The following DTNA variants were observed in gnomAD, a reference collection of about 807,000 sequenced individuals.
DTNA encodes the protein dystrobrevin alpha, also known as dystrophin-related protein 3.
In DTNA, 43 loss-of-function variants were observed where a neutral mutation model predicts 100.7. The observed-to-expected ratio is 0.43, with a 90% CI of 0.33 to 0.55. The LOEUF is 0.55. Among genes scored for constraint, DTNA ranks in the 20% least tolerant of loss-of-function variants. The pLI is 0.04. For synonymous variants in DTNA, 349 were observed against 347.9 expected (o/e 1.00, Z -0.04); for missense variants, 798 against 953.9 (o/e 0.84, Z 2.15).
rs115014847 is a variant in DTNA, at chr18:34,661,612, C to T, written c.-1-94364C>T. ...TTTTAATCAGACAAAGGATGAGTTT[C>T]GCATAGATGAGTTTTCAATAAACAG... is the stretch of plus-strand genomic sequence containing the variant. On this transcript the variant is annotated intron_variant, in intron 1 of 19. Coordinates refer to the DTNA transcript ENST00000283365. 4.4e-3 allele frequency among the ~76,000 whole-genome samples: 668 copies of T among 152,180 alleles called. 5 individuals carry two copies. Among genetic ancestry groups the T allele is most frequent in the African/African-American group, 0.015 (631 of 41,522 alleles).
At chr18:34,782,791 AGC>A (rs1374261881) in intron 3 of DTNA, among the ~76,000 whole-genome samples, 1 of 152,238 alleles carries the variant, frequency 6.6e-6, no homozygotes, top group Non-Finnish European at 1.5e-5. Flanking sequence ...TTTCATGCTT[AGC>A]CTGTTGGGTT....
chr18:34,863,213 C>T (rs1468536798), intron 16 of DTNA, among the ~76,000 whole-genome samples: 1 of 152,138 alleles, frequency 6.6e-6, no homozygotes, highest in Non-Finnish European at 1.5e-5. Flanking sequence ...ATTTCTTTCC[C>T]CCTTTAAAGA....
chr18:34,499,296 T>C (rs2039635904), intron 1 of DTNA, among the ~76,000 whole-genome samples: 1 of 152,238 alleles, frequency 6.6e-6, no homozygotes, highest in African/African-American at 2.4e-5. Flanking sequence ...TTTATCTAGG[T>C]TGTTGAATGT....
intron 1 of DTNA, among the ~76,000 whole-genome samples, chr18:34,505,970 G>A (rs993078907): frequency 1.3e-5 from 2 of 152,278 alleles, no homozygotes; most frequent in African/African-American, 2.4e-5. Flanking sequence ...TGATTTAGCC[G>A]AGTTCCACTA....
intron 1 of DTNA, among the ~76,000 whole-genome samples, chr18:34,738,205 G>A (rs1017585588): frequency 2.0e-5 from 3 of 152,078 alleles, no homozygotes; most frequent in Non-Finnish European, 2.9e-5. Context: ...TTAAAGATTC[G>A]GGACTTCAAA....
intron 17 of DTNA, among the ~76,000 whole-genome samples, chr18:34,874,161 AT>A (rs2096792508): frequency 6.6e-6 from 1 of 152,208 alleles, no homozygotes; most frequent in Non-Finnish European, 1.5e-5. Flanking sequence ...AAATATCTAA[AT>A]GGAATATTCC....
In DTNA at chr18:34,824,522, C is replaced by T. The variant is rs547435208; in HGVS notation, c.1002-3071C>T. On this transcript the variant is annotated intron_variant, in intron 9 of 22. Coordinates refer to ENST00000444659, the MANE Select transcript of DTNA (RefSeq NM_001386795.1). ...TTACTACATGGCACATGTATACCTA[C>T]GTAACAAACCTGCAGGTTCTGCACA... Among the ~76,000 whole-genome samples, 17 of 151,814 alleles carry T rather than the reference C, an allele frequency of 1.1e-4. 1 individual carries two copies. Among genetic ancestry groups the T allele is most frequent in the Middle Eastern group, 3.4e-3 (1 of 294 alleles).
In DTNA at chr18:34,494,215, A is replaced by T. The variant is rs574956214; in HGVS notation, c.-2+701A>T. Among the ~76,000 whole-genome samples, 14 of 151,602 alleles carry T rather than the reference A, an allele frequency of 9.2e-5. No homozygotes were observed. The East Asian group carries it at 2.8e-3, about 30-fold the overall frequency. On this transcript the variant is annotated intron_variant, in intron 1 of 19. Transcript: ENST00000283365. ...GGTGGAGTGTCTACCTCCATTAGGG[A>T]TGATACTCACGTCGGGGAACAGTCT...
intron 3 of DTNA, among the ~76,000 whole-genome samples, chr18:34,770,516 A>C (rs2093710748): frequency 6.6e-6 from 1 of 152,274 alleles, no homozygotes; most frequent in South Asian, 2.1e-4. Flanking sequence ...GCATGTGGAC[A>C]ACTGGTTCCT....
intron 1 of DTNA, among the ~76,000 whole-genome samples, chr18:34,520,407 T>G (rs1209837754): frequency 2.6e-5 from 4 of 152,106 alleles, no homozygotes; most frequent in Admixed American, 2.0e-4. Context: ...ATCCCAGCGC[T>G]TTGAGAGGCC....
intron 1 of DTNA, among the ~76,000 whole-genome samples, chr18:34,505,874 C>T (rs563855777): frequency 2.0e-5 from 3 of 152,160 alleles, no homozygotes; most frequent in African/African-American, 7.2e-5. Flanking sequence ...GAAATCTTCC[C>T]GGTTCTTGGT....
intron 1 of DTNA, among the ~76,000 whole-genome samples, chr18:34,711,570 T>C (rs1318144212): frequency 1.3e-5 from 2 of 152,230 alleles, no homozygotes; most frequent in Non-Finnish European, 2.9e-5. Context: ...AAAAATACTT[T>C]CTTAGTGAAC....
At chr18:34,656,141 T>G (rs2074338595) in intron 1 of DTNA, among the ~76,000 whole-genome samples, 1 of 152,254 alleles carries the variant, frequency 6.6e-6, no homozygotes, top group African/African-American at 2.4e-5. Flanking sequence ...TTATCAAATG[T>G]TAGCAGTTTA....
intron 1 of DTNA, among the ~76,000 whole-genome samples, chr18:34,663,725 A>G (rs1029187160): frequency 2.0e-5 from 3 of 152,234 alleles, no homozygotes; most frequent in Admixed American, 6.5e-5. Context: ...AATTTCTGAC[A>G]ATGATAAAAT....
At chr18:34,595,119 T>C (rs574287422) in intron 1 of DTNA, among the ~76,000 whole-genome samples, 4 of 152,350 alleles carry the variant, frequency 2.6e-5, no homozygotes, top group Admixed American at 2.6e-4. Context: ...AAATTTTCTG[T>C]GGTCATACTG....
chr18:34,796,175 G>T (rs2094960272), intron 4 of DTNA, among the ~76,000 whole-genome samples: 1 of 152,214 alleles, frequency 6.6e-6, no homozygotes, highest in African/African-American at 2.4e-5. Context: ...ATCCTACTCT[G>T]CAGACACTTC....
At chr18:34,649,098 A>T (rs1184274561) in intron 1 of DTNA, among the ~76,000 whole-genome samples, 1 of 152,166 alleles carries the variant, frequency 6.6e-6, no homozygotes, top group Non-Finnish European at 1.5e-5. Context: ...AGATAAGAAC[A>T]CTGTGTACAG....
At chr18:34,634,216 G>A (rs950653863) in intron 1 of DTNA, among the ~76,000 whole-genome samples, 23 of 152,046 alleles carry the variant, frequency 1.5e-4, no homozygotes, top group Non-Finnish European at 2.1e-4. Context: ...ATGCATTTCT[G>A]TACGTTAGCT....
intron 1 of DTNA, among the ~76,000 whole-genome samples, chr18:34,696,106 T>A (rs1483525524): frequency 6.6e-6 from 1 of 152,202 alleles, no homozygotes; most frequent in Non-Finnish European, 1.5e-5. Context: ...GCATACCCAG[T>A]GCTGTTCCTT....
Sources: allele counts gnomAD v4.1 joint callset (sites outside exome capture counted in the v4.1 genomes callset), GRCh38; gene constraint gnomAD v4.1.1; transcripts MANE v1.5; gene names NCBI Gene and HGNC (gene_info 2026-07-23, HGNC 2026-07-21).